BCL11B: variants seen among roughly 807,000 people sequenced by gnomAD.
The protein encoded by BCL11B is B-cell lymphoma/leukemia 11B.
A neutral mutation model predicts 49.9 loss-of-function variants in BCL11B; 8 were observed. That is an observed-to-expected ratio of 0.16 (90% CI 0.09 to 0.29). BCL11B has a LOEUF of 0.29. BCL11B is among the 10% of genes least tolerant of loss of function. The pLI, the probability that BCL11B is intolerant of heterozygous loss-of-function variation, is 1.00. For synonymous variants in BCL11B, 739 were observed against 637.4 expected, an observed-to-expected ratio of 1.16 and a Z score of -2.40; for missense variants, 1,006 against 1,351.0, an observed-to-expected ratio of 0.74 and a Z score of 4.00.
chr14:99,186,859 G>A (rs980796672), intron 3 of BCL11B, among the ~76,000 whole-genome samples: 1 of 152,180 alleles, frequency 6.6e-6, no homozygotes, highest in African/African-American at 2.4e-5. Context: ...ACCTTCCCAA[G>A]CTGCTTTCCA....
At chr14:99,215,937 C>CCCAGGAACAGAGGGCAGTG (rs1887821351) in intron 3 of BCL11B, among the ~76,000 whole-genome samples, 1 of 152,152 alleles carries the variant, frequency 6.6e-6, no homozygotes, top group Admixed American at 6.5e-5. Flanking sequence ...GAATGCGGCC[C>CCCAGGAACAGAGGGCAGTG]CCAGGAACAG....
intron 2 of BCL11B, among the ~76,000 whole-genome samples, chr14:99,236,678 T>C (rs1888508945): frequency 6.6e-6 from 1 of 151,898 alleles, no homozygotes; most frequent in Non-Finnish European, 1.5e-5. Context: ...GAGAAGATGG[T>C]CTTTAGGAGA....
intron 3 of BCL11B, among the ~76,000 whole-genome samples, chr14:99,189,956 G>C (rs893389581): frequency 6.6e-6 from 1 of 152,200 alleles, no homozygotes; most frequent in Non-Finnish European, 1.5e-5. Context: ...CTCAAGGCTG[G>C]CTGGGCTGGC....
chr14:99,239,439 C>T (rs1353066729), intron 2 of BCL11B, among the ~76,000 whole-genome samples: 2 of 152,132 alleles, frequency 1.3e-5, no homozygotes, highest in African/African-American at 4.8e-5. Context: ...CCCTGTAGCC[C>T]TTTCCCAGAT....
At chr14:99,193,341 A>T (rs1031235711) in intron 3 of BCL11B, among the ~76,000 whole-genome samples, 1 of 152,264 alleles carries the variant, frequency 6.6e-6, no homozygotes, top group African/African-American at 2.4e-5. Flanking sequence ...TTCCAGAAGA[A>T]GGAAATGTAA....
At position 99,241,108 on chromosome 14, in the gene BCL11B, G is replaced by A. The variant is rs939001494; in HGVS notation, c.428-9551C>T. On this transcript the variant is annotated intron_variant, in intron 2 of 3. Transcript: ENST00000357195. This position sits in a 1 kb window ranked among gnomAD's most constrained non-coding sequence, Gnocchi z 4.4. Reference sequence around the variant, plus strand: ...TGCAGAAACCCTGCAAAGATCCCGCGATAAGACAAGCCTCTTCTCCCTACA... The same window carrying A: ...TGCAGAAACCCTGCAAAGATCCCGCAATAAGACAAGCCTCTTCTCCCTACA... 2.6e-5 allele frequency among the ~76,000 whole-genome samples: 4 copies of A among 152,032 alleles called. No homozygotes were observed. The highest frequency in any genetic ancestry group is 4.8e-5 in the African/African-American group (2 of 41,384).
chr14:99,212,912 C>T lies in BCL11B; in HGVS notation c.640+18433G>A, dbSNP rs74080361. 7.0e-3 allele frequency among the ~76,000 whole-genome samples: 1,060 copies of T among 152,320 alleles called. 6 individuals carry two copies. The highest frequency in any genetic ancestry group is 0.024 in the African/African-American group (1,011 of 41,560). On this transcript the variant is annotated intron_variant, in intron 3 of 3. Coordinates refer to ENST00000357195, the MANE Select transcript of BCL11B (RefSeq NM_138576.4). ...AGACAAGAAGTCTCTGGGTCTGTCCCCAAACCCAGTGATACTTTGCTTTGA... is the reference window on the plus strand; with the variant it reads ...AGACAAGAAGTCTCTGGGTCTGTCCTCAAACCCAGTGATACTTTGCTTTGA...
chr14:99,255,342 C>G (rs1185684824), intron 2 of BCL11B, among the ~76,000 whole-genome samples: 1 of 134,754 alleles, frequency 7.4e-6, no homozygotes, highest in African/African-American at 2.9e-5. Flanking sequence ...ACAGAAAGGC[C>G]AAGAATATCT....
In BCL11B at chr14:99,257,597, A is replaced by G; in HGVS notation, c.301T>C (p.Ser101Pro). Reference sequence around the variant, plus strand: ...ACTTTCCTGAGCTCGGAGCGTGAGGAGGGTGGCGGGCTGTCCTTGTCCAGG... The same window carrying G: ...ACTTTCCTGAGCTCGGAGCGTGAGGGGGGTGGCGGGCTGTCCTTGTCCAGG... ...KALDKDSPPP[S>P]SRSELRKVSE... The change falls in exon 2 of 4, where the codon TCC (serine) becomes CCC (proline). Residue 101 changes from serine (S) to proline (P), a missense_variant. By Grantham distance (74) the Ser-to-Pro change is moderately conservative (BLOSUM62 -1). This residue lies in a region of BCL11B where 411 missense variants were observed against 542.2 expected (regional missense o/e 0.76). Transcript: ENST00000357195. This position sits in a 1 kb window ranked among gnomAD's most constrained non-coding sequence, Gnocchi z 6.2. 6.2e-7 allele frequency: 1 copy of G among 1,614,042 alleles called. No homozygotes were observed. Among genetic ancestry groups the G allele is most frequent in the South Asian group, 1.1e-5 (1 of 91,076 alleles).
intron 3 of BCL11B, among the ~76,000 whole-genome samples, chr14:99,217,612 C>T (rs1171885692): frequency 6.6e-6 from 1 of 152,210 alleles, no homozygotes; most frequent in Non-Finnish European, 1.5e-5. Flanking sequence ...GGAACCCCCA[C>T]CCCCTGGCCT....
At chr14:99,186,048 C>T (rs1416700244) in intron 3 of BCL11B, among the ~76,000 whole-genome samples, 1 of 152,220 alleles carries the variant, frequency 6.6e-6, no homozygotes, top group Non-Finnish European at 1.5e-5. Context: ...CCTCATGGAG[C>T]ATAAAGTCTA....
chr14:99,199,688 G>GCGCGCA (rs1555378694), intron 3 of BCL11B, among the ~76,000 whole-genome samples: 9 of 63,850 alleles, frequency 1.4e-4, no homozygotes, highest in Middle Eastern at 8.1e-3. Flanking sequence ...GTGTGTGCGC[G>GCGCGCA]CGCGCGCGCA....
chr14:99,223,727 G>A (rs1425511944), intron 3 of BCL11B, among the ~76,000 whole-genome samples: 1 of 152,158 alleles, frequency 6.6e-6, no homozygotes, highest in East Asian at 1.9e-4. Flanking sequence ...TAATCACGTG[G>A]ATTCCAATGC....
At chr14:99,202,058 G>A (rs1887400625) in intron 3 of BCL11B, among the ~76,000 whole-genome samples, 2 of 152,264 alleles carry the variant, frequency 1.3e-5, no homozygotes, top group Non-Finnish European at 2.9e-5. Flanking sequence ...ACCACTCACT[G>A]CAGCCTCAAC....
At chr14:99,188,834 C>T (rs1333689925) in intron 3 of BCL11B, among the ~76,000 whole-genome samples, 1 of 152,258 alleles carries the variant, frequency 6.6e-6, no homozygotes, top group East Asian at 1.9e-4. Flanking sequence ...AGCCCAGGTG[C>T]CCGCCTGGCC....
rs1886252762 is a variant in BCL11B at position 99,170,496 on chromosome 14, G to T, written c.*3655C>A. ...CACCACTTTATCTTAAAGCTACTTG[G>T]CTTTACAAAAAATAAAAATAAAATA... On this transcript the variant is annotated 3_prime_UTR_variant, in exon 4 of 4. Coordinates refer to ENST00000357195, the MANE Select transcript of BCL11B (RefSeq NM_138576.4). The T allele has an allele frequency of 4.4e-6, 1 of 227,548 alleles. No individual in the cohort carries two copies. The highest frequency in any genetic ancestry group is 1.8e-4 in the South Asian group (1 of 5,452). The allele number at this position is 227,548 out of a possible 1,614,324, so 14.1% of individuals were successfully genotyped here.
At position 99,184,366 on chromosome 14, in the gene BCL11B, A is replaced by G. The variant is rs1886792906; in HGVS notation, c.641-8171T>C. Among the ~76,000 whole-genome samples, 1 of 152,194 alleles carries G rather than the reference A, an allele frequency of 6.6e-6. No homozygotes were observed. The highest frequency in any genetic ancestry group is 2.4e-5 in the African/African-American group (1 of 41,458). ...ATACTGATCACCATACTGAACTGTC[A>G]TCTTTTGTCTTTGACCTTGGTGTGT... On this transcript the variant is annotated intron_variant, in intron 3 of 3. Transcript: ENST00000357195. The surrounding 1 kb of genome is among the most constrained non-coding windows in gnomAD (Gnocchi z 6.1).
At position 99,200,834 on chromosome 14, in the gene BCL11B, C is replaced by T. The variant is rs1002092189; in HGVS notation, c.641-24639G>A. ...TGTGGCTCACCTCGGGGCCTGGAGC[C>T]CTCCCCCGAGGCCTGGCACAGAGCA... is the stretch of plus-strand genomic sequence containing the variant. On this transcript the variant is annotated intron_variant, in intron 3 of 3. Coordinates refer to ENST00000357195, the MANE Select transcript of BCL11B (RefSeq NM_138576.4). 4.0e-4 allele frequency among the ~76,000 whole-genome samples: 61 copies of T among 152,288 alleles called. 1 individual carries two copies. The highest frequency in any genetic ancestry group is 4.0e-3 in the Admixed American group (61 of 15,310).
rs1888315949 is a variant in BCL11B at position 99,231,045 on chromosome 14, T to C, written c.640+300A>G. On this transcript the variant is annotated intron_variant, in intron 3 of 3. Transcript: ENST00000357195. The surrounding 1 kb of genome is among the most constrained non-coding windows in gnomAD (Gnocchi z 8.1). ...GCCGAAGAAAACCTCAGATGTTAAGTGTTATCCAATTAAGCTGTCGCTAAA... is the reference window on the plus strand; with the variant it reads ...GCCGAAGAAAACCTCAGATGTTAAGCGTTATCCAATTAAGCTGTCGCTAAA... 1.3e-5 allele frequency among the ~76,000 whole-genome samples: 2 copies of C among 151,912 alleles called. No homozygotes were observed. The highest frequency in any genetic ancestry group is 1.3e-4 in the Admixed American group (2 of 15,268).
Sources: gnomAD v4.1 joint callset for allele counts (sites outside exome capture counted in the v4.1 genomes callset) on GRCh38, gnomAD v4.1.1 for gene constraint, gnomAD v4.1.1 regional missense constraint, Gnocchi (gnomAD v3.1) non-coding constraint, MANE v1.5 for transcripts, NCBI Gene and HGNC (gene_info 2026-07-23, HGNC 2026-07-21) for gene names.